PPFIA2: variants seen among roughly 807,000 people sequenced by gnomAD.
PPFIA2 encodes the protein PPFI scaffold protein A2, also known as liprin-alpha-2.
Under a neutral mutation model 175.5 loss-of-function variants are expected in PPFIA2, and 46 were observed. The observed-to-expected ratio is 0.26, with a 90% CI of 0.21 to 0.34. The LOEUF (loss-of-function observed/expected upper bound fraction) is 0.34. Among genes scored for constraint, PPFIA2 ranks in the 10% least tolerant of loss-of-function variants. The pLI is 1.00. For synonymous variants in PPFIA2, 568 were observed against 511.4 expected (o/e 1.11, Z -1.49); for missense variants, 1,179 against 1,506.1 (o/e 0.78, Z 3.60).
At chr12:81,561,923 A>C (rs2070189643) in intron 4 of PPFIA2, among the ~76,000 whole-genome samples, 1 of 152,228 alleles carries the variant, frequency 6.6e-6, no homozygotes, top group African/African-American at 2.4e-5. Context: ...TCTTTTGATG[A>C]AGTTTTACCA....
chr12:81,359,300 C>T (rs1467148418), intron 15 of PPFIA2, among the ~76,000 whole-genome samples: 2 of 151,956 alleles, frequency 1.3e-5, no homozygotes, highest in African/African-American at 4.8e-5. Flanking sequence ...AAGACACTAA[C>T]TTAAGAAAGT....
chr12:81,686,182 A>C (rs534140030), intron 3 of PPFIA2, among the ~76,000 whole-genome samples: 1 of 152,214 alleles, frequency 6.6e-6, no homozygotes, highest in South Asian at 2.1e-4. Context: ...GAAATGCAAC[A>C]AATTGCAGGC....
chr12:81,359,276 G>A (rs1222366889), intron 15 of PPFIA2, among the ~76,000 whole-genome samples: 2 of 151,988 alleles, frequency 1.3e-5, no homozygotes, highest in Non-Finnish European at 2.9e-5. Context: ...AGGTTTGGGT[G>A]TTTGCAACAG....
At chr12:81,652,975 C>T (rs138111050) in intron 4 of PPFIA2, among the ~76,000 whole-genome samples, 18 of 152,056 alleles carry the variant, frequency 1.2e-4, no homozygotes, top group Non-Finnish European at 2.5e-4. Flanking sequence ...CCTCAATATA[C>T]GAATCCAACC....
intron 4 of PPFIA2, among the ~76,000 whole-genome samples, chr12:81,655,665 A>G (rs2067681300): frequency 6.6e-6 from 1 of 151,958 alleles, no homozygotes; most frequent in African/African-American, 2.4e-5. Flanking sequence ...TGTTAAAAGA[A>G]AATGTATTCT....
At chr12:81,657,536 G>A (rs1269181469) in intron 4 of PPFIA2, among the ~76,000 whole-genome samples, 1 of 152,108 alleles carries the variant, frequency 6.6e-6, no homozygotes, top group African/African-American at 2.4e-5. Flanking sequence ...TAATCTAACT[G>A]AGATTGAACA....
At chr12:81,634,645 TAATAC>T (rs1210873289) in intron 4 of PPFIA2, among the ~76,000 whole-genome samples, 1 of 152,094 alleles carries the variant, frequency 6.6e-6, no homozygotes, top group Admixed American at 6.5e-5. Flanking sequence ...CTGCATATTA[TAATAC>T]AAGTTTCAGA....
At chr12:81,486,808 C>T (rs991774767) in intron 4 of PPFIA2, among the ~76,000 whole-genome samples, 1 of 151,684 alleles carries the variant, frequency 6.6e-6, no homozygotes, top group African/African-American at 2.4e-5. Context: ...TAGTCCACCT[C>T]AAGAAATAAT....
chr12:81,545,627 G>C (rs188771586), intron 4 of PPFIA2: 143 of 152,702 alleles, frequency 9.4e-4, no homozygotes, highest in Admixed American at 2.5e-3. Flanking sequence ...CTGCAGTCCT[G>C]TGAATGCAGA....
At position 81,397,114 on chromosome 12, in the gene PPFIA2, T is replaced by C. The variant is rs373506306; in HGVS notation, c.762+8673A>G. Reference sequence around the variant, plus strand: ...TAGATATACAAGTGGAGATGTTCGATTGTGGCTGGATATATGCATTTGGTT... The same window carrying C: ...TAGATATACAAGTGGAGATGTTCGACTGTGGCTGGATATATGCATTTGGTT... On this transcript the variant is annotated intron_variant, in intron 8 of 32. Transcript: ENST00000549396. 1.4e-3 allele frequency among the ~76,000 whole-genome samples: 209 copies of C among 152,206 alleles called. 1 individual carries two copies. The highest frequency in any genetic ancestry group is 4.8e-3 in the African/African-American group (200 of 41,558).
At chr12:81,607,945 C>A (rs1331324000) in intron 4 of PPFIA2, among the ~76,000 whole-genome samples, 2 of 151,924 alleles carry the variant, frequency 1.3e-5, no homozygotes, top group South Asian at 2.1e-4. Flanking sequence ...AAAGATGGCT[C>A]TTCTTATTTT....
chr12:81,618,490 C>G (rs551577937), intron 4 of PPFIA2, among the ~76,000 whole-genome samples: 6 of 147,796 alleles, frequency 4.1e-5, no homozygotes, highest in Admixed American at 1.3e-4. Flanking sequence ...ATTAAAAGAA[C>G]TTTCATTTTA....
chr12:81,616,077 T>C (rs2061404460), intron 4 of PPFIA2, among the ~76,000 whole-genome samples: 1 of 152,026 alleles, frequency 6.6e-6, no homozygotes, highest in Non-Finnish European at 1.5e-5. Context: ...TTTTGGAAAA[T>C]CAAGAAGCCA....
intron 3 of PPFIA2, among the ~76,000 whole-genome samples, chr12:81,745,302 A>C (rs772056417): frequency 1.3e-5 from 2 of 152,048 alleles, no homozygotes; most frequent in African/African-American, 2.4e-5. Flanking sequence ...TGAAGTCTGC[A>C]CTGGAGGGTA....
At chr12:81,389,072 T>C (rs1053983674) in intron 8 of PPFIA2, among the ~76,000 whole-genome samples, 5 of 151,152 alleles carry the variant, frequency 3.3e-5, no homozygotes, top group Admixed American at 2.0e-4. Flanking sequence ...ATGTGTTCTT[T>C]CGTGACTAGT....
At chr12:81,623,514 C>A (rs1158115640) in intron 4 of PPFIA2, among the ~76,000 whole-genome samples, 1 of 151,944 alleles carries the variant, frequency 6.6e-6, no homozygotes, top group Non-Finnish European at 1.5e-5. Context: ...CACTAGTTTA[C>A]AAATATAAGC....
chr12:81,604,865 A>G (rs1465662926), intron 4 of PPFIA2, among the ~76,000 whole-genome samples: 1 of 151,766 alleles, frequency 6.6e-6, no homozygotes, highest in African/African-American at 2.4e-5. Context: ...TGAAACAGTA[A>G]AAGTATGACT....
At chr12:81,367,677 ACT>A (rs1459449291) in intron 13 of PPFIA2, among the ~76,000 whole-genome samples, 2 of 151,720 alleles carry the variant, frequency 1.3e-5, no homozygotes, top group East Asian at 3.9e-4. Context: ...GAAATAACAA[ACT>A]CTAGCTATTC....
At chr12:81,473,787 TTTGC>T (rs1277439908) in intron 4 of PPFIA2, among the ~76,000 whole-genome samples, 14 of 152,210 alleles carry the variant, frequency 9.2e-5, no homozygotes, top group African/African-American at 2.9e-4. Context: ...GAACCATGAC[TTTGC>T]TTATTATTTA....
Sources: gnomAD v4.1 joint callset for allele counts (sites outside exome capture counted in the v4.1 genomes callset) on GRCh38, gnomAD v4.1.1 for gene constraint, MANE v1.5 for transcripts, NCBI Gene and HGNC (gene_info 2026-07-23, HGNC 2026-07-21) for gene names.